ZNF274: variants seen among roughly 807,000 people sequenced by gnomAD.
ZNF274 encodes neurotrophin receptor-interacting factor homolog.
Under a neutral mutation model 42.5 loss-of-function variants are expected in ZNF274, and 23 were observed. The observed-to-expected ratio is 0.54, with a 90% CI of 0.39 to 0.77. The LOEUF is 0.77. Ranked by LOEUF, ZNF274 falls within the 30% of genes least tolerant of loss-of-function variation. ZNF274 has a pLI of 0.00. For missense variants in ZNF274, 679 were observed against 806.5 expected (o/e 0.84, Z 1.91); for synonymous variants, 292 against 305.4 (o/e 0.96, Z 0.46).
intron 4 of ZNF274, among the ~76,000 whole-genome samples, chr19:58,192,857 G>T (rs1190546644): frequency 3.9e-5 from 6 of 152,130 alleles, no homozygotes; most frequent in Admixed American, 3.9e-4. Context: ...TGATCCTCCT[G>T]CCTCAGCTTC....
chr19:58,186,530 C>T (rs547142426), intron 3 of ZNF274, among the ~76,000 whole-genome samples: 95 of 83,188 alleles, frequency 1.1e-3, no homozygotes, highest in Non-Finnish European at 1.8e-3. Context: ...AGCAAGACTC[C>T]GTCTCAAAAA....
chr19:58,199,579 G>A (rs1047528656), intron 4 of ZNF274, among the ~76,000 whole-genome samples: 5 of 152,112 alleles, frequency 3.3e-5, no homozygotes, highest in East Asian at 3.9e-4. Flanking sequence ...AAACTTAGCC[G>A]GGCGTGGTGG....
intron 6 of ZNF274, 77 bp downstream of exon 6, chr19:58,210,150 C>T: frequency 8.3e-7 from 1 of 1,205,782 alleles, no homozygotes; most frequent in Non-Finnish European, 1.2e-6. Flanking sequence ...ATCCACTCTG[C>T]CCTGGGCTTT....
chr19:58,190,155 T>A (rs941111391), intron 4 of ZNF274, among the ~76,000 whole-genome samples: 1 of 149,638 alleles, frequency 6.7e-6, no homozygotes, highest in Non-Finnish European at 1.5e-5. Flanking sequence ...CTCTCTCTTT[T>A]TTTTTTTTTT....
Position 58,212,453 on chromosome 19 carries a change from C to A in ZNF274, c.1272C>A (p.Asn424Lys), listed in dbSNP as rs763072935. The A allele has an allele frequency of 1.1e-5, 18 of 1,612,798 alleles. No individual in the cohort carries two copies. Among genetic ancestry groups the A allele is most frequent in the Non-Finnish European group, 1.4e-5 (17 of 1,179,364 alleles). ...TNQVSLQKIDNPESQANSGAL... is the reference protein window; with the variant it reads ...TNQVSLQKIDKPESQANSGAL... ...AAGTTTCGCTCCAGAAAATTGACAA[C>A]CCTGAGTCCCAGGCAAACAGTGGCG... Residue 424 changes from asparagine (N) to lysine (K), a missense_variant, in exon 8 of 8, where the codon AAC becomes AAA. Asn to Lys is a moderately conservative substitution (Grantham distance 94). Around this residue, in one of 2 missense-constraint regions of ZNF274, gnomAD observed 456 missense variants for 590.1 expected, o/e 0.77. Transcript: ENST00000617501. This position sits in a 1 kb window ranked among gnomAD's most constrained non-coding sequence, Gnocchi z 4.6.
chr19:58,205,532 A>T (rs1372935520), intron 4 of ZNF274, among the ~76,000 whole-genome samples: 23 of 152,184 alleles, frequency 1.5e-4, no homozygotes, highest in Non-Finnish European at 3.4e-4. Context: ...ACAGGGTCTC[A>T]CTATGTTGCC....
intron 4 of ZNF274, among the ~76,000 whole-genome samples, chr19:58,188,758 A>G (rs1196063943): frequency 7.2e-6 from 1 of 138,946 alleles, no homozygotes; most frequent in African/African-American, 2.7e-5. Flanking sequence ...CCAGGGGCTC[A>G]TGCCTATAAT....
Position 58,209,941 on chromosome 19 carries a change from T to C in ZNF274, c.740-20T>C. 1 of 1,597,890 alleles carries C rather than the reference T, an allele frequency of 6.3e-7. No individual in the cohort carries two copies. Among genetic ancestry groups the C allele is most frequent in the Non-Finnish European group, 8.5e-7 (1 of 1,170,308 alleles). ...GGTCCCCACACCTGCTGACCTCCTC[T>C]GGCTGGTGTCTCCTCCCAGTACTTC... On this transcript the variant is annotated intron_variant, in intron 5 of 7. Coordinates refer to ENST00000617501, the MANE Select transcript of ZNF274 (RefSeq NM_133502.3).
chr19:58,198,973 T>C (rs2075876163), intron 4 of ZNF274, among the ~76,000 whole-genome samples: 1 of 151,942 alleles, frequency 6.6e-6, no homozygotes, highest in South Asian at 2.1e-4. Flanking sequence ...AGCCAGGAAT[T>C]GGAGACCACC....
At chr19:58,204,462 T>C (rs1600152078) in intron 4 of ZNF274, among the ~76,000 whole-genome samples, 1 of 152,046 alleles carries the variant, frequency 6.6e-6, no homozygotes, top group Non-Finnish European at 1.5e-5. Flanking sequence ...GGTTAGCTTA[T>C]GGTTGTGGCC....
At chr19:58,188,348 C>T (rs764306106) in intron 4 of ZNF274, among the ~76,000 whole-genome samples, 16 of 151,602 alleles carry the variant, frequency 1.1e-4, no homozygotes, top group South Asian at 2.1e-4. Context: ...AGGACAGGCA[C>T]GGTGGCTCAT....
Position 58,207,024 on chromosome 19 carries a change from C to T in ZNF274, c.561C>T (p.His187=), listed in dbSNP as rs1321745164. The T allele has an allele frequency of 2.5e-6, 4 of 1,612,030 alleles. No individual in the cohort carries two copies. The South Asian group carries it at 4.4e-5, about 18-fold the overall frequency. ...TGGACCAGCTCCGAGAGCTGTGTCA[C>T]CAGTGGCTACAGCCTAAGGCACGCT... ...EALDQLRELC[H]QWLQPKARSK... The change falls in exon 5 of 8, where the codon CAC becomes CAT. Residue 187 remains histidine (H), a synonymous_variant. Coordinates refer to ENST00000617501, the MANE Select transcript of ZNF274 (RefSeq NM_133502.3). This position sits in a 1 kb window ranked among gnomAD's most constrained non-coding sequence, Gnocchi z 5.6.
intron 4 of ZNF274, among the ~76,000 whole-genome samples, chr19:58,193,290 G>GC (rs1279785819): frequency 6.6e-6 from 1 of 151,530 alleles, no homozygotes; most frequent in Non-Finnish European, 1.5e-5. Flanking sequence ...GGGACTACAG[G>GC]CGCCCGCCAC....
intron 4 of ZNF274, 38 bp from the exon 5 acceptor site, chr19:58,206,682 C>T: frequency 1.3e-6 from 2 of 1,515,980 alleles, no homozygotes; most frequent in Middle Eastern, 1.7e-4. Context: ...TTTTCATGTG[C>T]TTGTTCTCAT....
intron 3 of ZNF274, 143 bp from the exon 4 acceptor site, chr19:58,186,804 T>C: frequency 1.5e-6 from 1 of 656,758 alleles, no homozygotes; most frequent in Non-Finnish European, 2.6e-6. Context: ...ACAACAGGGA[T>C]GGATGGAGTT....
At chr19:58,209,067 G>T (rs1444166913) in intron 5 of ZNF274, 1 of 152,424 alleles carries the variant, frequency 6.6e-6, no homozygotes. Flanking sequence ...GTTCCAGGGT[G>T]CTCGAGCATC....
rs150503869 is a variant in ZNF274, at chr19:58,207,735, AT to A, written c.739+534del. On this transcript the variant is annotated intron_variant, in intron 5 of 7. Transcript: ENST00000617501. This position sits in a 1 kb window ranked among gnomAD's most constrained non-coding sequence, Gnocchi z 5.6. The stretch of plus-strand genomic sequence containing the variant: ...GCCAAGATGGAAGGGATCACAGTAA[AT>A]GCAAAACTCAGAAAAATCGGTTATG... Among the ~76,000 whole-genome samples, 2,344 of 152,300 alleles carry A rather than the reference AT, an allele frequency of 0.015. 48 individuals are homozygous for A. The highest frequency in any genetic ancestry group is 0.054 in the African/African-American group (2,231 of 41,556).
In ZNF274 at chr19:58,207,924, G is replaced by A. The variant is rs2075996634; in HGVS notation, c.739+722G>A. On this transcript the variant is annotated intron_variant, in intron 5 of 7. Coordinates refer to ENST00000617501, the MANE Select transcript of ZNF274 (RefSeq NM_133502.3). This position sits in a 1 kb window ranked among gnomAD's most constrained non-coding sequence, Gnocchi z 5.6. ...CCTTTAGAGATTTACCAGGCTGCATGTGTGGTGGATGGTGGACAGAGGATG... is the reference window on the plus strand; with the variant it reads ...CCTTTAGAGATTTACCAGGCTGCATATGTGGTGGATGGTGGACAGAGGATG... Among the ~76,000 whole-genome samples, 1 of 152,232 alleles carries A rather than the reference G, an allele frequency of 6.6e-6. No homozygotes were observed. The highest frequency in any genetic ancestry group is 2.4e-5 in the African/African-American group (1 of 41,454).
chr19:58,206,619 T>C, intron 4 of ZNF274, 101 bp from the exon 5 acceptor site: 1 of 1,364,176 alleles, frequency 7.3e-7, no homozygotes, highest in Non-Finnish European at 9.8e-7. Context: ...TTGAAGCATA[T>C]TCCACTGTGG....
Sources: allele counts gnomAD v4.1 joint callset (sites outside exome capture counted in the v4.1 genomes callset), GRCh38; gene constraint gnomAD v4.1.1; regional missense constraint gnomAD v4.1.1; non-coding constraint Gnocchi (gnomAD v3.1); transcripts MANE v1.5; gene names NCBI Gene and HGNC (gene_info 2026-07-23, HGNC 2026-07-21).